The following GRIN2A variants were observed in gnomAD, a reference collection of about 807,000 sequenced individuals.
GRIN2A encodes the protein glutamate ionotropic receptor NMDA type subunit 2A.
In GRIN2A, 22 loss-of-function variants were observed where a neutral mutation model predicts 113.4. The observed-to-expected ratio is 0.19, with a 90% CI of 0.14 to 0.28. GRIN2A has a LOEUF of 0.28. GRIN2A is among the 10% of genes least tolerant of loss of function. The pLI is 1.00. For missense variants in GRIN2A, 1,502 were observed against 1,887.0 expected, an observed-to-expected ratio of 0.80 and a Z score of 3.78; for synonymous variants, 827 against 738.4, an observed-to-expected ratio of 1.12 and a Z score of -1.94.
chr16:10,033,248 T>C (rs2046963052), intron 2 of GRIN2A, among the ~76,000 whole-genome samples: 1 of 152,216 alleles, frequency 6.6e-6, no homozygotes, highest in African/African-American at 2.4e-5. Flanking sequence ...CAAATAGGTC[T>C]GGGTTCAAAT....
intron 2 of GRIN2A, among the ~76,000 whole-genome samples, chr16:10,129,596 C>T (rs1467009047): frequency 1.3e-5 from 2 of 152,090 alleles, no homozygotes; most frequent in Non-Finnish European, 2.9e-5. Context: ...AACGGAACAA[C>T]AAGTGCAAAG....
At chr16:10,179,745 G>T in intron 2 of GRIN2A, 1 of 541,236 alleles carries the variant, frequency 1.8e-6, no homozygotes, top group Admixed American at 3.1e-5. Flanking sequence ...AGTTTTCTGA[G>T]CGCTTCCTGG....
intron 2 of GRIN2A, among the ~76,000 whole-genome samples, chr16:10,100,823 G>T (rs974179616): frequency 3.3e-5 from 5 of 152,216 alleles, no homozygotes; most frequent in South Asian, 4.1e-4. Flanking sequence ...GGCCCAGATG[G>T]TGGCACTCAG....
At chr16:10,094,298 C>T (rs1050447728) in intron 2 of GRIN2A, among the ~76,000 whole-genome samples, 2 of 152,176 alleles carry the variant, frequency 1.3e-5, no homozygotes, top group Non-Finnish European at 2.9e-5. Context: ...GTTACAGGCT[C>T]AGTTCTGCCA....
In GRIN2A at chr16:10,180,330, C is replaced by G; in HGVS notation, c.82G>C (p.Glu28Gln). ...ATATTTAGCGCGGGGGGACCCTTCT[C>G]CGCCGCCGCGCTCGGCGCCGGACCG... ...WRGPAPSAAAEKGPPALNIAV... is the reference protein window; with the variant it reads ...WRGPAPSAAAQKGPPALNIAV... The change falls in exon 2 of 13, where the codon GAG becomes CAG. Residue 28 changes from glutamate (E) to glutamine (Q), a missense_variant. By Grantham distance (29) the Glu-to-Gln change is conservative (BLOSUM62 2). Coordinates refer to ENST00000330684, the MANE Select transcript of GRIN2A (RefSeq NM_001134407.3). This position sits in a 1 kb window ranked among gnomAD's most constrained non-coding sequence, Gnocchi z 7.0. 1 of 1,609,710 alleles carries G rather than the reference C, an allele frequency of 6.2e-7. No homozygotes were observed. The highest frequency in any genetic ancestry group is 8.5e-7 in the Non-Finnish European group (1 of 1,179,886).
chr16:10,036,837 G>C (rs1036337900), intron 2 of GRIN2A: 1 of 151,830 alleles, frequency 6.6e-6, no homozygotes, highest in Non-Finnish European at 1.5e-5. Context: ...TTTTTATAAG[G>C]ACACCAGTCT....
At chr16:9,998,746 C>A (rs1327108856) in intron 2 of GRIN2A, among the ~76,000 whole-genome samples, 1 of 152,084 alleles carries the variant, frequency 6.6e-6, no homozygotes, top group Non-Finnish European at 1.5e-5. Context: ...CTCTCTCCTT[C>A]TCCCTCCCTC....
At chr16:10,055,079 A>G (rs28377443) in intron 2 of GRIN2A, among the ~76,000 whole-genome samples, 48 of 77,934 alleles carry the variant, frequency 6.2e-4, no homozygotes, top group African/African-American at 8.3e-4. Context: ...AAAAAAAAAA[A>G]AAAAAAGAAA....
chr16:10,038,857 AC>A (rs1237037280), intron 2 of GRIN2A, among the ~76,000 whole-genome samples: 13 of 94,774 alleles, frequency 1.4e-4, no homozygotes, highest in South Asian at 4.8e-4. Flanking sequence ...CAAAAAAAAA[AC>A]AAAAAACAAA....
chr16:9,980,770 T>C (rs1466385859), intron 2 of GRIN2A, among the ~76,000 whole-genome samples: 1 of 136,620 alleles, frequency 7.3e-6, no homozygotes, highest in Non-Finnish European at 1.5e-5. Context: ...TTCTCACTCA[T>C]AGGTGGGAAC....
intron 2 of GRIN2A, among the ~76,000 whole-genome samples, chr16:10,103,043 C>T (rs539959067): frequency 6.6e-6 from 1 of 152,312 alleles, no homozygotes; most frequent in East Asian, 1.9e-4. Context: ...TCCTTGACAT[C>T]AAGAAGCTCA....
At position 9,802,275 on chromosome 16, in the gene GRIN2A, G is replaced by A. The variant is rs78309996; in HGVS notation, c.2169-3811C>T. The stretch of plus-strand genomic sequence containing the variant: ...CACTATTCACAATAGCAAAGACATG[G>A]CATCAACCTCAATCAAACCCACCAG... On this transcript the variant is annotated intron_variant, in intron 10 of 12. Transcript: ENST00000330684. 9.7e-3 allele frequency among the ~76,000 whole-genome samples: 1,474 copies of A among 152,092 alleles called. 31 individuals are homozygous for A. The highest frequency in any genetic ancestry group is 0.034 in the African/African-American group (1,411 of 41,478).
At chr16:10,126,193 C>T (rs930843413) in intron 2 of GRIN2A, among the ~76,000 whole-genome samples, 24 of 149,806 alleles carry the variant, frequency 1.6e-4, no homozygotes, top group Admixed American at 3.3e-4. Context: ...GATAGGATCT[C>T]GCTCTGTCGC....
intron 2 of GRIN2A, among the ~76,000 whole-genome samples, chr16:10,052,551 G>A (rs1219515722): frequency 6.6e-6 from 1 of 152,164 alleles, no homozygotes; most frequent in Non-Finnish European, 1.5e-5. Flanking sequence ...GGAGAGGGGT[G>A]GGCTAAGATA....
At chr16:9,975,640 A>G (rs1374612211) in intron 2 of GRIN2A, among the ~76,000 whole-genome samples, 1 of 152,200 alleles carries the variant, frequency 6.6e-6, no homozygotes, top group African/African-American at 2.4e-5. Flanking sequence ...AACAGAGGGG[A>G]AATACAGAAA....
chr16:10,150,949 CTAA>C (rs2049555504), intron 2 of GRIN2A, among the ~76,000 whole-genome samples: 1 of 152,112 alleles, frequency 6.6e-6, no homozygotes, highest in Non-Finnish European at 1.5e-5. Flanking sequence ...ATGGTAGATA[CTAA>C]TATATCTGTT....
At chr16:9,924,244 CTTCAT>C (rs531065031) in intron 3 of GRIN2A, among the ~76,000 whole-genome samples, 93 of 151,248 alleles carry the variant, frequency 6.1e-4, no homozygotes, top group African/African-American at 2.1e-3. Flanking sequence ...CCCTGAAGAA[CTTCAT>C]TTAATATTTT....
intron 2 of GRIN2A, among the ~76,000 whole-genome samples, chr16:10,139,000 T>G (rs1278603795): frequency 6.6e-6 from 1 of 152,132 alleles, no homozygotes; most frequent in Non-Finnish European, 1.5e-5. Flanking sequence ...AGCCTTGCAA[T>G]TAAGAAAACT....
Position 9,764,966 on chromosome 16 carries a change from AAAGC to A in GRIN2A, c.2596-22_2596-19del. 5 of 1,613,880 alleles carry A rather than the reference AAAGC, an allele frequency of 3.1e-6. No homozygotes were observed. The highest frequency in any genetic ancestry group is 4.2e-6 in the Non-Finnish European group (5 of 1,180,004). Reference sequence around the variant, plus strand: ...TAGATGCCCTGTAGGGGAGCAACATAAAGCACTGTCAGCAGCAGCAGCAGTGAAC... The same window carrying A: ...TAGATGCCCTGTAGGGGAGCAACATAACTGTCAGCAGCAGCAGCAGTGAAC... On this transcript the variant is annotated intron_variant, in intron 12 of 12. Coordinates refer to ENST00000330684, the MANE Select transcript of GRIN2A (RefSeq NM_001134407.3).
Sources: allele counts gnomAD v4.1 joint callset (sites outside exome capture counted in the v4.1 genomes callset), GRCh38; gene constraint gnomAD v4.1.1; non-coding constraint Gnocchi (gnomAD v3.1); transcripts MANE v1.5; gene names NCBI Gene and HGNC (gene_info 2026-07-23, HGNC 2026-07-21).